Variants in CDH1 observed in about 807,000 individuals in gnomAD.
CDH1 encodes cadherin-1.
CDH1 carries 35 observed loss-of-function variants against 84.5 expected under a neutral mutation model. That is an observed-to-expected ratio of 0.41 (90% CI 0.32 to 0.55). The LOEUF (loss-of-function observed/expected upper bound fraction) is 0.55, where lower values mean the gene tolerates loss of function less well. Ranked by LOEUF, CDH1 falls within the 20% of genes least tolerant of loss-of-function variation. The pLI is 0.19. For missense variants in CDH1, 994 were observed against 1,126.6 expected (o/e 0.88, Z 1.68); for synonymous variants, 417 against 439.0 (o/e 0.95, Z 0.63).
chr16:68,753,410 A>C (rs541049055), intron 2 of CDH1, among the ~76,000 whole-genome samples: 1 of 149,606 alleles, frequency 6.7e-6, no homozygotes, highest in Non-Finnish European at 1.5e-5. Flanking sequence ...GCAGTGGTGC[A>C]ATCTTGGCTC....
chr16:68,757,642 T>C (rs1027929320), intron 2 of CDH1, among the ~76,000 whole-genome samples: 1 of 152,186 alleles, frequency 6.6e-6, no homozygotes, highest in African/African-American at 2.4e-5. Context: ...GAAGATGAAC[T>C]GGGAGGGTGG....
rs1291946799 is a variant in CDH1, at chr16:68,741,930, CAA to C, written c.163+3521_163+3522del. 6.6e-5 allele frequency among the ~76,000 whole-genome samples: 10 copies of C among 152,270 alleles called. 1 individual carries two copies. The Middle Eastern group carries it at 0.01, about 155-fold the overall frequency. ...AGGTGATCCGCCTGCCTTGGCCTCC[CAA>C]AGTGTTGGGATTACATGTGTGAGTC... On this transcript the variant is annotated intron_variant, in intron 2 of 15. Coordinates refer to ENST00000261769, the MANE Select transcript of CDH1 (RefSeq NM_004360.5).
intron 6 of CDH1, among the ~76,000 whole-genome samples, chr16:68,811,235 TA>T (rs1487060086): frequency 3.3e-5 from 5 of 151,700 alleles, no homozygotes; most frequent in African/African-American, 1.2e-4. Context: ...CTGTCTCTAC[TA>T]AAAATAGAAA....
intron 2 of CDH1, among the ~76,000 whole-genome samples, chr16:68,759,942 T>G (rs1389595262): frequency 6.6e-6 from 1 of 152,126 alleles, no homozygotes. Flanking sequence ...TCCATCACTT[T>G]GGCCTAGAAA....
chr16:68,761,624 A>G (rs1253421294), intron 2 of CDH1, among the ~76,000 whole-genome samples: 1 of 152,210 alleles, frequency 6.6e-6, no homozygotes, highest in Non-Finnish European at 1.5e-5. Flanking sequence ...ACAGGTGTGT[A>G]GGAAAGATGA....
At chr16:68,760,338 C>A (rs1435381300) in intron 2 of CDH1, among the ~76,000 whole-genome samples, 2 of 139,082 alleles carry the variant, frequency 1.4e-5, no homozygotes, top group African/African-American at 2.7e-5. Context: ...TGGTCTCAAT[C>A]TCCTGACCCC....
intron 2 of CDH1, among the ~76,000 whole-genome samples, chr16:68,784,018 T>G (rs1211164292): frequency 6.6e-6 from 1 of 152,158 alleles, no homozygotes; most frequent in Non-Finnish European, 1.5e-5. Context: ...ATTGAGTGGA[T>G]GCCCATCATT....
At chr16:68,784,450 C>A (rs963608558) in intron 2 of CDH1, among the ~76,000 whole-genome samples, 2 of 152,132 alleles carry the variant, frequency 1.3e-5, no homozygotes, top group South Asian at 4.1e-4. Flanking sequence ...GGCAGCACCC[C>A]CTTCCCTCTC....
chr16:68,784,727 A>G (rs1959994292), intron 2 of CDH1, among the ~76,000 whole-genome samples: 1 of 151,514 alleles, frequency 6.6e-6, no homozygotes, highest in Non-Finnish European at 1.5e-5. Context: ...CTTAGCTCCC[A>G]CTTATGAGTG....
chr16:68,829,508 A>C (rs1961418795), intron 14 of CDH1, 146 bp from the exon 15 acceptor site: 1 of 847,202 alleles, frequency 1.2e-6, no homozygotes, highest in Non-Finnish European at 1.9e-6. Context: ...TAGCTTGAAA[A>C]CTGTCATTTT....
intron 2 of CDH1, among the ~76,000 whole-genome samples, chr16:68,798,261 A>G (rs561708215): frequency 6.6e-6 from 1 of 152,264 alleles, no homozygotes; most frequent in South Asian, 2.1e-4. Context: ...TTTTATGGGC[A>G]TGTTGAAATA....
At chr16:68,759,045 C>G (rs565985959) in intron 2 of CDH1, among the ~76,000 whole-genome samples, 4 of 152,284 alleles carry the variant, frequency 2.6e-5, no homozygotes, top group South Asian at 2.1e-4. Context: ...ATCTGCCCCT[C>G]TAGCCCTCTC....
At chr16:68,778,417 G>A (rs1959791074) in intron 2 of CDH1, among the ~76,000 whole-genome samples, 1 of 152,170 alleles carries the variant, frequency 6.6e-6, no homozygotes, top group Admixed American at 6.5e-5. Flanking sequence ...AATGCCAACA[G>A]GGAACAAATC....
At chr16:68,809,115 T>G (rs1023583127) in intron 5 of CDH1, 4 of 499,204 alleles carry the variant, frequency 8.0e-6, no homozygotes, top group Non-Finnish European at 1.5e-5. Context: ...TGTCAACCTG[T>G]TCTTGGGGCT....
chr16:68,813,518 T>A lies in CDH1; in HGVS notation c.1320+23T>A, dbSNP rs781319271. The A allele has an allele frequency of 1.9e-6, 3 of 1,611,052 alleles. No homozygotes were observed. In the African/African-American group the frequency reaches 4.0e-5, roughly 22 times the overall value. On this transcript the variant is annotated intron_variant, in intron 9 of 15. Coordinates refer to ENST00000261769, the MANE Select transcript of CDH1 (RefSeq NM_004360.5). The stretch of plus-strand genomic sequence containing the variant: ...AAGGTTTGTATGGTACCTGGCAAGA[T>A]GCAGAAACTGGCATCCTCACAGCTG...
intron 9 of CDH1, 183 bp downstream of exon 9, chr16:68,813,678 C>G: frequency 1.3e-6 from 1 of 750,724 alleles, no homozygotes; most frequent in South Asian, 1.4e-5. Context: ...AATCAAGAAA[C>G]TGTGCTGTGT....
intron 10 of CDH1, among the ~76,000 whole-genome samples, chr16:68,817,063 C>A (rs1223539731): frequency 6.6e-6 from 1 of 152,190 alleles, no homozygotes; most frequent in African/African-American, 2.4e-5. Context: ...GGAACAATGA[C>A]CACTTGATGT....
chr16:68,757,025 C>T (rs908150619), intron 2 of CDH1, among the ~76,000 whole-genome samples: 2 of 151,688 alleles, frequency 1.3e-5, no homozygotes, highest in Admixed American at 1.3e-4. Flanking sequence ...CAAAACAAAA[C>T]AAAGCCCTCT....
chr16:68,834,185 C>A lies in CDH1; in HGVS notation c.*686C>A. ...CCCAGGCTGGTCTCAAACTCCTGGG[C>A]TCAAGTGATCCTCCCATCTTGGCCT... is the stretch of plus-strand genomic sequence containing the variant. On this transcript the variant is annotated 3_prime_UTR_variant, in exon 16 of 16. Transcript: ENST00000261769. 2.0e-6 allele frequency: 1 copy of A among 494,500 alleles called. No individual in the cohort carries two copies. The highest frequency in any genetic ancestry group is 4.0e-6 in the Non-Finnish European group (1 of 250,262). The allele number at this position is 494,500 out of a possible 1,614,324, so 30.6% of individuals were successfully genotyped here. A position where few individuals can be genotyped will look rare whatever the true frequency, so the allele number is the denominator to read the frequency against.
Sources: allele counts gnomAD v4.1 joint callset (sites outside exome capture counted in the v4.1 genomes callset), GRCh38; gene constraint gnomAD v4.1.1; transcripts MANE v1.5; gene names NCBI Gene and HGNC (gene_info 2026-07-23, HGNC 2026-07-21).